The following PRDX3 variants were observed in gnomAD, a reference collection of about 807,000 sequenced individuals.
PRDX3 encodes peroxiredoxin 3, also known as thioredoxin-dependent peroxide reductase, mitochondrial.
In PRDX3, 20 loss-of-function variants were observed where a neutral mutation model predicts 30.4. The ratio of observed to expected loss-of-function variants is 0.66; its 90% CI spans 0.46 to 0.96. The LOEUF (loss-of-function observed/expected upper bound fraction) is 0.96. Ranked by LOEUF, PRDX3 falls within the 40% of genes least tolerant of loss-of-function variation. PRDX3 has a pLI of 0.00. For synonymous variants in PRDX3, 124 were observed against 117.8 expected (o/e 1.05, Z -0.34); for missense variants, 322 against 318.3 (o/e 1.01, Z -0.09).
intron 1 of PRDX3, among the ~76,000 whole-genome samples, chr10:119,178,427 A>G (rs775658684): frequency 1.3e-4 from 20 of 152,228 alleles, no homozygotes; most frequent in South Asian, 2.1e-4. Flanking sequence ...TTAAGTACAC[A>G]GTCTGAGAAA....
At chr10:119,173,971 A>T (rs982532984) in intron 3 of PRDX3, 99 bp from the exon 4 acceptor site, 14 of 1,283,372 alleles carry the variant, frequency 1.1e-5, no homozygotes, top group Non-Finnish European at 6.5e-6. Flanking sequence ...AGGGTAAAAA[A>T]GGCAAAATGG....
Position 119,169,362 on chromosome 10 carries a change from C to T in PRDX3, c.552-20G>A. On this transcript the variant is annotated intron_variant, in intron 5 of 6. Transcript: ENST00000298510. ...AGACCTCTGCATGATCATTTATCCT[C>T]ATCAGTGCCTCAACAGTACCAGAAC... 3 of 1,607,830 alleles carry T rather than the reference C, an allele frequency of 1.9e-6. No individual in the cohort carries two copies. The South Asian group carries it at 3.3e-5, about 18-fold the overall frequency.
intron 1 of PRDX3, among the ~76,000 whole-genome samples, chr10:119,177,508 CTT>C (rs34793961): frequency 0.012 from 1,764 of 152,064 alleles, 38 homozygotes; most frequent in African/African-American, 0.04. Flanking sequence ...AAACACAAAA[CTT>C]AGCCAGGCGG....
At position 119,168,097 on chromosome 10, in the gene PRDX3, A is replaced by T; in HGVS notation, c.*383T>A. On this transcript the variant is annotated 3_prime_UTR_variant, in exon 7 of 7. Coordinates refer to ENST00000298510, the MANE Select transcript of PRDX3 (RefSeq NM_006793.5). ...TTAATACAAAGACATTCAAGATGAAAATTTCAGGACCGTTGATCAGAAGCT... is the reference window on the plus strand; with the variant it reads ...TTAATACAAAGACATTCAAGATGAATATTTCAGGACCGTTGATCAGAAGCT... The T allele has an allele frequency of 5.8e-6, 1 of 171,546 alleles. No individual in the cohort carries two copies. The highest frequency in any genetic ancestry group is 1.8e-4 in the East Asian group (1 of 5,708). The allele number at this position is 171,546 out of a possible 1,614,324, so 10.6% of individuals were successfully genotyped here. A position where few individuals can be genotyped will look rare whatever the true frequency, so the allele number is the denominator to read the frequency against.
intron 1 of PRDX3, 113 bp from the exon 2 acceptor site, chr10:119,177,266 A>T: frequency 2.0e-6 from 2 of 1,011,622 alleles, no homozygotes; most frequent in Non-Finnish European, 3.0e-6. Flanking sequence ...ACCAAATAGC[A>T]AACCCCAAAC....
In PRDX3 at chr10:119,168,465, A is replaced by T; in HGVS notation, c.*15T>A. ...TCTTCTCTCAGTTGAGAAGGTGCAGATACACATGGGTGATCTACTGATTTA... is the reference window on the plus strand; with the variant it reads ...TCTTCTCTCAGTTGAGAAGGTGCAGTTACACATGGGTGATCTACTGATTTA... On this transcript the variant is annotated 3_prime_UTR_variant, in exon 7 of 7. Transcript: ENST00000298510. 1.2e-6 allele frequency: 2 copies of T among 1,613,406 alleles called. No homozygotes were observed. The highest frequency in any genetic ancestry group is 1.7e-6 in the Non-Finnish European group (2 of 1,179,930).
intron 4 of PRDX3, among the ~76,000 whole-genome samples, chr10:119,172,747 C>A (rs547894794): frequency 1.2e-4 from 19 of 152,168 alleles, no homozygotes; most frequent in African/African-American, 4.3e-4. Context: ...AAGATTTACA[C>A]CCGGCTAATA....
chr10:119,172,750 G>A (rs567672980), intron 4 of PRDX3, among the ~76,000 whole-genome samples: 9 of 152,104 alleles, frequency 5.9e-5, no homozygotes, highest in South Asian at 4.1e-4. Flanking sequence ...ATTTACACCC[G>A]GCTAATACTA....
intron 1 of PRDX3, among the ~76,000 whole-genome samples, chr10:119,177,508 C>T (rs553196199): frequency 6.6e-6 from 1 of 152,070 alleles, no homozygotes; most frequent in East Asian, 1.9e-4. Flanking sequence ...AAACACAAAA[C>T]TTAGCCAGGC....
chr10:119,169,466 T>A, intron 5 of PRDX3, 124 bp from the exon 6 acceptor site: 1 of 854,836 alleles, frequency 1.2e-6, no homozygotes, highest in Non-Finnish European at 1.7e-6. Flanking sequence ...ATCATATGCT[T>A]AAAGGTGGGG....
chr10:119,178,605 C>A, intron 1 of PRDX3, 150 bp downstream of exon 1: 1 of 1,012,412 alleles, frequency 9.9e-7, no homozygotes. Context: ...TGGAACCTTC[C>A]CGGAGGGAGG....
chr10:119,168,577 A>T (rs1354669365), intron 6 of PRDX3, 44 bp from the exon 7 acceptor site: 1 of 1,608,614 alleles, frequency 6.2e-7, no homozygotes, highest in Admixed American at 1.7e-5. Flanking sequence ...ACTTTACCAT[A>T]ATAATAGTCC....
rs772584822 is a variant in PRDX3, at chr10:119,169,213, T to G, written c.681A>C (p.Glu227Asp). The G allele has an allele frequency of 6.2e-7, 1 of 1,612,846 alleles. No homozygotes were observed. Among genetic ancestry groups the G allele is most frequent in the South Asian group, 1.1e-5 (1 of 91,014 alleles). ...KAFQYVETHG[E>D]VCPANWTPDS... ...CCGGTGTCCAGTTCGCTGGGCAGAC[T>G]TCTCCATGTGTTTCTACATACTGGA... is the stretch of plus-strand genomic sequence containing the variant. Residue 227 changes from glutamate to aspartate, a missense_variant, in exon 6 of 7, where the codon GAA (glutamate) becomes GAC (aspartate). Coordinates refer to ENST00000298510, the MANE Select transcript of PRDX3 (RefSeq NM_006793.5).
intron 2 of PRDX3, among the ~76,000 whole-genome samples, chr10:119,176,783 ATG>A (rs1189379453): frequency 6.6e-6 from 1 of 152,230 alleles, no homozygotes; most frequent in East Asian, 1.9e-4. Flanking sequence ...CAACATGGAA[ATG>A]TGACAAGGGC....
intron 6 of PRDX3, 139 bp from the exon 7 acceptor site, chr10:119,168,672 T>A: frequency 6.9e-7 from 1 of 1,455,840 alleles, no homozygotes; most frequent in East Asian, 2.5e-5. Context: ...AGATGAAAGT[T>A]TCATTAAGGC....
intron 4 of PRDX3, 21 bp downstream of exon 4, chr10:119,173,716 G>A: frequency 6.2e-7 from 1 of 1,607,856 alleles, no homozygotes; most frequent in Non-Finnish European, 8.5e-7. Flanking sequence ...AAGAGCAAAA[G>A]CTAGGGGTAC....
intron 1 of PRDX3, among the ~76,000 whole-genome samples, chr10:119,177,717 G>C (rs532854432): frequency 6.5e-4 from 96 of 148,704 alleles, no homozygotes; most frequent in Non-Finnish European, 1.4e-3. Context: ...GAAGCCAGGG[G>C]ACTTGTGCAG....
intron 2 of PRDX3, among the ~76,000 whole-genome samples, chr10:119,176,083 C>T (rs1848019039): frequency 6.6e-6 from 1 of 152,062 alleles, no homozygotes; most frequent in African/African-American, 2.4e-5. Context: ...TGTGCCCAGC[C>T]TCGATTTCAG....
intron 2 of PRDX3, among the ~76,000 whole-genome samples, chr10:119,176,524 C>T (rs1204137173): frequency 1.3e-5 from 2 of 152,148 alleles, no homozygotes; most frequent in Admixed American, 6.5e-5. Context: ...AAGCCCATAT[C>T]CTAGAGAAGG....
Sources: gnomAD v4.1 joint callset for allele counts (sites outside exome capture counted in the v4.1 genomes callset) on GRCh38, gnomAD v4.1.1 for gene constraint, MANE v1.5 for transcripts, NCBI Gene and HGNC (gene_info 2026-07-23, HGNC 2026-07-21) for gene names.